Variants in MTMR6 observed in about 807,000 individuals in gnomAD.
MTMR6 encodes myotubularin related protein 6, also known as phosphatidylinositol-3,5-bisphosphate 3-phosphatase MTMR6.
Under a neutral mutation model 80.1 loss-of-function variants are expected in MTMR6, and 47 were observed. That is an observed-to-expected ratio of 0.59 (90% CI 0.46 to 0.75). The LOEUF (loss-of-function observed/expected upper bound fraction) is 0.75, where lower values mean the gene tolerates loss of function less well. Ranked by LOEUF, MTMR6 falls within the 30% of genes least tolerant of loss-of-function variation. MTMR6 has a pLI of 0.00. For synonymous variants in MTMR6, 254 were observed against 253.0 expected (o/e 1.00, Z -0.04); for missense variants, 629 against 730.9 (o/e 0.86, Z 1.61).
chr13:25,268,285 T>C (rs568765133), intron 2 of MTMR6, among the ~76,000 whole-genome samples: 1 of 152,326 alleles, frequency 6.6e-6, no homozygotes, highest in East Asian at 1.9e-4. Context: ...AACAGCCTCC[T>C]AAATGCTCTC....
chr13:25,254,393 A>G lies in MTMR6; in HGVS notation c.1137T>C (p.Phe379=). 6.3e-7 allele frequency: 1 copy of G among 1,578,332 alleles called. No individual in the cohort carries two copies. Among genetic ancestry groups the G allele is most frequent in the African/African-American group, 1.4e-5 (1 of 74,042 alleles). ...GTGTAACTGTGACTCACCTCTCTGA[A>G]AATTTATGTCCAAAAGAGATCCAAT... ...EKDWISFGHK[F]SERCGQLDGD... Residue 379 remains phenylalanine, a synonymous_variant, in exon 10 of 14, where the codon TTT becomes TTC. Transcript: ENST00000381801.
intron 9 of MTMR6, among the ~76,000 whole-genome samples, chr13:25,256,610 G>T (rs1218521275): frequency 1.3e-5 from 2 of 152,056 alleles, no homozygotes; most frequent in African/African-American, 2.4e-5. Context: ...ATAAAAATCT[G>T]ATCATACCTT....
chr13:25,282,472 G>A (rs1957872470), intron 1 of MTMR6, among the ~76,000 whole-genome samples: 1 of 152,186 alleles, frequency 6.6e-6, no homozygotes, highest in East Asian at 1.9e-4. Context: ...GGAGGAGGAA[G>A]CAGCCAGAGG....
chr13:25,267,663 G>T, intron 3 of MTMR6, 116 bp downstream of exon 3: 1 of 1,031,454 alleles, frequency 9.7e-7, no homozygotes, highest in Non-Finnish European at 1.4e-6. Context: ...GAGTACAAAA[G>T]AACCTGACTG....
chr13:25,260,860 A>G (rs917787983), intron 6 of MTMR6, among the ~76,000 whole-genome samples: 1 of 152,200 alleles, frequency 6.6e-6, no homozygotes, highest in African/African-American at 2.4e-5. Flanking sequence ...GATGCCTAAG[A>G]TAACCCAAAT....
intron 2 of MTMR6, among the ~76,000 whole-genome samples, chr13:25,272,017 A>G (rs949678438): frequency 3.3e-5 from 5 of 152,240 alleles, no homozygotes; most frequent in African/African-American, 1.2e-4. Context: ...ACTCAAAAGC[A>G]GAGCCTCACA....
chr13:25,283,935 C>T (rs1200126196), intron 1 of MTMR6, among the ~76,000 whole-genome samples: 1 of 152,136 alleles, frequency 6.6e-6, no homozygotes, highest in Non-Finnish European at 1.5e-5. Context: ...TGGAAATGCT[C>T]TTTCAGAAAT....
intron 9 of MTMR6, among the ~76,000 whole-genome samples, chr13:25,256,988 A>G (rs926731728): frequency 6.6e-6 from 1 of 152,212 alleles, no homozygotes; most frequent in African/African-American, 2.4e-5. Context: ...TACAGGCCAG[A>G]TCAGTCTTTG....
intron 1 of MTMR6, among the ~76,000 whole-genome samples, chr13:25,275,737 T>C (rs1957705997): frequency 6.6e-6 from 1 of 151,048 alleles, no homozygotes; most frequent in African/African-American, 2.4e-5. Flanking sequence ...GGCGGGCGCC[T>C]ATAATCCTAG....
rs79407814 is a variant in MTMR6, at chr13:25,276,438, T to C, written c.25-2251A>G. On this transcript the variant is annotated intron_variant, in intron 1 of 13. Coordinates refer to ENST00000381801, the MANE Select transcript of MTMR6 (RefSeq NM_004685.5). Reference sequence around the variant, plus strand: ...GGGGCTGATTTTATTACTATTTAAATAGGAAGTTTGCTTTAAAAAGAAATC... The same window carrying C: ...GGGGCTGATTTTATTACTATTTAAACAGGAAGTTTGCTTTAAAAAGAAATC... Among the ~76,000 whole-genome samples, 1,110 of 152,324 alleles carry C rather than the reference T, an allele frequency of 7.3e-3. 45 individuals are homozygous for C. The East Asian group carries it at 0.13, about 17-fold the overall frequency.
In MTMR6 at chr13:25,251,581, T is replaced by A; in HGVS notation, c.1605+68A>T. ...TTTATGTGCTGATTTACACCAACAA[T>A]ACAAATATTAGTCTAATCGTAAACT... On this transcript the variant is annotated intron_variant, in intron 13 of 13. Coordinates refer to ENST00000381801, the MANE Select transcript of MTMR6 (RefSeq NM_004685.5). This position sits in a 1 kb window ranked among gnomAD's most constrained non-coding sequence, Gnocchi z 4.1. 1 of 1,322,106 alleles carries A rather than the reference T, an allele frequency of 7.6e-7. No individual in the cohort carries two copies. Among genetic ancestry groups the A allele is most frequent in the Admixed American group, 2.5e-5 (1 of 39,924 alleles). The allele number at this position is 1,322,106 out of a possible 1,614,324, so 81.9% of individuals were successfully genotyped here.
chr13:25,256,939 G>A (rs1418963742), intron 9 of MTMR6, among the ~76,000 whole-genome samples: 1 of 152,152 alleles, frequency 6.6e-6, no homozygotes, highest in Non-Finnish European at 1.5e-5. Context: ...ATGGAAATAA[G>A]TCTAATTCAA....
At chr13:25,273,976 A>C (rs1463545699) in intron 2 of MTMR6, 95 bp downstream of exon 2, 2 of 869,366 alleles carry the variant, frequency 2.3e-6, no homozygotes, top group African/African-American at 3.4e-5. Flanking sequence ...TAGGTAACCA[A>C]TGATTAAAAA....
intron 5 of MTMR6, among the ~76,000 whole-genome samples, 185 bp downstream of exon 5, chr13:25,265,634 G>GA (rs1957438110): frequency 6.6e-6 from 1 of 151,936 alleles, no homozygotes; most frequent in African/African-American, 2.4e-5. Flanking sequence ...TCGGGAGGCT[G>GA]AGGCACAAGA....
chr13:25,257,428 G>T, intron 8 of MTMR6, 107 bp from the exon 9 acceptor site: 1 of 1,284,472 alleles, frequency 7.8e-7, no homozygotes, highest in Non-Finnish European at 1.1e-6. Flanking sequence ...TGCTATGCCT[G>T]CAATGATAAT....
intron 3 of MTMR6, among the ~76,000 whole-genome samples, chr13:25,266,638 CTAA>C (rs1194897851): frequency 1.3e-5 from 2 of 152,250 alleles, no homozygotes; most frequent in African/African-American, 4.8e-5. Flanking sequence ...GTAAAATAGA[CTAA>C]TGTTATAATG....
At chr13:25,286,898 C>T (rs1335523910) in intron 1 of MTMR6, among the ~76,000 whole-genome samples, 1 of 152,196 alleles carries the variant, frequency 6.6e-6, no homozygotes, top group Non-Finnish European at 1.5e-5. Flanking sequence ...GGCTGAAAGA[C>T]TCCAAAGTTA....
At chr13:25,284,682 AAACT>A (rs1426952849) in intron 1 of MTMR6, among the ~76,000 whole-genome samples, 3 of 152,212 alleles carry the variant, frequency 2.0e-5, no homozygotes, top group Admixed American at 6.5e-5. Context: ...TTTTTGCAGC[AAACT>A]AACTAAATCC....
At chr13:25,255,879 T>C (rs1006645746) in intron 9 of MTMR6, among the ~76,000 whole-genome samples, 4 of 152,204 alleles carry the variant, frequency 2.6e-5, no homozygotes, top group Non-Finnish European at 5.9e-5. Flanking sequence ...CACTTGTGTG[T>C]TACTATTTTA....
Sources: gnomAD v4.1 joint callset for allele counts (sites outside exome capture counted in the v4.1 genomes callset) on GRCh38, gnomAD v4.1.1 for gene constraint, Gnocchi (gnomAD v3.1) non-coding constraint, MANE v1.5 for transcripts, NCBI Gene and HGNC (gene_info 2026-07-23, HGNC 2026-07-21) for gene names.